The following TRMT44 variants were observed in gnomAD, a reference collection of about 807,000 sequenced individuals.
TRMT44 encodes the protein tRNA methyltransferase 44 homolog, also known as probable tRNA (uracil-O(2)-)-methyltransferase.
In TRMT44, 78 loss-of-function variants were observed where a neutral mutation model predicts 77.3. The ratio of observed to expected loss-of-function variants is 1.01; its 90% confidence interval spans 0.84 to 1.22. The LOEUF is 1.22. Ranked by LOEUF, TRMT44 falls within the 50% of genes most tolerant of loss-of-function variation. The pLI is 0.00. For synonymous variants in TRMT44, 391 were observed against 383.3 expected, an observed-to-expected ratio of 1.02 and a Z score of -0.23; for missense variants, 1,090 against 964.4, an observed-to-expected ratio of 1.13 and a Z score of -1.73.
chr4:8,493,484 T>C (rs1250661953), exon 3 of TRMT44: 1 of 152,162 alleles, frequency 6.6e-6, no homozygotes, highest in Non-Finnish European at 1.5e-5. Context: ...GAGAGACTGA[T>C]TTGAATAATA....
chr4:8,454,363 C>A, intron 5 of TRMT44: 1 of 211,156 alleles, frequency 4.7e-6, no homozygotes, highest in Non-Finnish European at 9.6e-6. Flanking sequence ...ATTCTGGTGT[C>A]ATCCATGAAT....
the TRMT44 span, among the ~76,000 whole-genome samples, chr4:8,516,213 G>A: frequency 6.6e-6 from 1 of 152,182 alleles, no homozygotes; most frequent in Non-Finnish European, 1.5e-5. Context: ...TATGGCCCCA[G>A]AGTCACGCAG....
At chr4:8,469,818 C>T (rs1296077618) in intron 9 of TRMT44, among the ~76,000 whole-genome samples, 1 of 152,266 alleles carries the variant, frequency 6.6e-6, no homozygotes, top group African/African-American at 2.4e-5. Flanking sequence ...CCTTTGGTCG[C>T]CCCCACCCAG....
chr4:8,465,523 G>A lies in TRMT44; in HGVS notation c.1456G>A (p.Val486Met), dbSNP rs376641486. The A allele has an allele frequency of 1.7e-5, 28 of 1,613,836 alleles. No individual in the cohort carries two copies. The East Asian group carries it at 3.1e-4, about 18-fold the overall frequency. Reference protein sequence around the residue: ...KEVGFTCGFHVDEDCLRIPST... With the variant: ...KEVGFTCGFHMDEDCLRIPST... ...AGTGGGCTTCACCTGTGGGTTTCACGTGGACGAAGACTGCCTCAGGATTCC... is the reference window on the plus strand; with the variant it reads ...AGTGGGCTTCACCTGTGGGTTTCACATGGACGAAGACTGCCTCAGGATTCC... Residue 486 changes from valine to methionine, a missense_variant, in exon 8 of 11, where the codon GTG becomes ATG. Coordinates refer to ENST00000389737, the MANE Select transcript of TRMT44 (RefSeq NM_152544.3).
chr4:8,450,792 GTTTTTTTTTT>G (rs59875098), intron 3 of TRMT44, among the ~76,000 whole-genome samples: 7 of 96,674 alleles, frequency 7.2e-5, no homozygotes, highest in Non-Finnish European at 1.4e-4. Flanking sequence ...TCATTTCCAT[GTTTTTTTTTT>G]TTTTTTTTTT....
intron 10 of TRMT44, chr4:8,473,613 G>C (rs1727173029): frequency 1.3e-5 from 2 of 152,620 alleles, no homozygotes; most frequent in Admixed American, 6.5e-5. Context: ...GGCGGCTCCT[G>C]TGCTGAGGTA....
downstream of TRMT44, chr4:8,477,477 C>T (rs1727449159): frequency 6.6e-6 from 1 of 152,316 alleles, no homozygotes; most frequent in African/African-American, 2.4e-5. Context: ...TAGTGAGGCA[C>T]AAGGGAGCTC....
chr4:8,512,852 G>T, the TRMT44 span, among the ~76,000 whole-genome samples: 1 of 152,194 alleles, frequency 6.6e-6, no homozygotes, highest in South Asian at 2.1e-4. Flanking sequence ...ATTGTGTAAA[G>T]TAGCCTGTGA....
downstream of TRMT44, among the ~76,000 whole-genome samples, chr4:8,496,346 A>G (rs1728150228): frequency 6.6e-6 from 1 of 152,254 alleles, no homozygotes; most frequent in Non-Finnish European, 1.5e-5. Context: ...ACTCAGTAAC[A>G]GTAGCCTCTG....
intron 6 of TRMT44, among the ~76,000 whole-genome samples, chr4:8,455,207 C>G (rs893585824): frequency 5.3e-5 from 8 of 152,230 alleles, no homozygotes; most frequent in Admixed American, 4.6e-4. Flanking sequence ...CCTGCCAGGA[C>G]TGCGCCAGGG....
At chr4:8,497,599 C>T (rs528093041), downstream of TRMT44, among the ~76,000 whole-genome samples, 14 of 152,184 alleles carry the variant, frequency 9.2e-5, no homozygotes, top group South Asian at 6.2e-4. Flanking sequence ...GAGCTGAGAT[C>T]GCGCCACTGC....
At chr4:8,485,266 C>T (rs1039309060) in intron 2 of TRMT44, among the ~76,000 whole-genome samples, 3 of 152,076 alleles carry the variant, frequency 2.0e-5, no homozygotes, top group Non-Finnish European at 4.4e-5. Flanking sequence ...TCTTTAAGAT[C>T]AAGAACGGAA....
At chr4:8,516,295 C>T in the TRMT44 span, among the ~76,000 whole-genome samples, 2 of 152,236 alleles carry the variant, frequency 1.3e-5, no homozygotes, top group South Asian at 4.2e-4. Context: ...ACGTGTTTTC[C>T]CCTGAGATAC....
intron 2 of TRMT44, among the ~76,000 whole-genome samples, chr4:8,489,017 TC>T (rs1479181105): frequency 6.6e-6 from 1 of 151,970 alleles, no homozygotes; most frequent in Non-Finnish European, 1.5e-5. Context: ...GGGATGAAAA[TC>T]ACCAGTAAGA....
At position 8,444,440 on chromosome 4, in the gene TRMT44, C is replaced by T. The variant is rs566666947; in HGVS notation, c.620-2036C>T. Among the ~76,000 whole-genome samples the T allele has an allele frequency of 6.6e-6, 1 of 151,608 alleles. No homozygotes were observed. Among genetic ancestry groups the T allele is most frequent in the South Asian group, 2.1e-4 (1 of 4,810 alleles). ...TTGAGAGTAGTCTCGCTCTGTGGCC[C>T]AGGCTAGAGTGCAGTGGTGTGATTT... On this transcript the variant is annotated intron_variant, in intron 1 of 10. Transcript: ENST00000389737. This position sits in a 1 kb window ranked among gnomAD's most constrained non-coding sequence, Gnocchi z 4.0.
downstream of TRMT44, among the ~76,000 whole-genome samples, chr4:8,494,308 C>T (rs1728092923): frequency 6.6e-6 from 1 of 152,176 alleles, no homozygotes; most frequent in Non-Finnish European, 1.5e-5. Context: ...TTAAATTTCA[C>T]CCTCACAATG....
At position 8,487,405 on chromosome 4, in the gene TRMT44, C is replaced by T. The variant is rs57714297; in HGVS notation, n.3892-5861C>T. 5.4e-4 allele frequency among the ~76,000 whole-genome samples: 82 copies of T among 151,050 alleles called. No homozygotes were observed. In the East Asian group the frequency reaches 0.012, roughly 22 times the overall value. On this transcript the variant is annotated intron_variant and non_coding_transcript_variant, in intron 2 of 2. Coordinates refer to the TRMT44 transcript ENST00000511366. ...CGGGGGTTCTTACCCTCCAGAAAAG[C>T]GGGAAAGGGGTCGGATCGTGGAAAT...
chr4:8,513,759 A>T, the TRMT44 span, among the ~76,000 whole-genome samples: 6 of 152,336 alleles, frequency 3.9e-5, no homozygotes, highest in East Asian at 1.2e-3. Flanking sequence ...GCATATTCAG[A>T]TCATCAATAA....
the TRMT44 span, among the ~76,000 whole-genome samples, chr4:8,511,409 C>T: frequency 6.6e-6 from 1 of 152,284 alleles, no homozygotes; most frequent in South Asian, 2.1e-4. Context: ...ATGCCCACCT[C>T]TTAATCTCTA....
Sources: gnomAD v4.1 joint callset for allele counts (sites outside exome capture counted in the v4.1 genomes callset) on GRCh38, gnomAD v4.1.1 for gene constraint, Gnocchi (gnomAD v3.1) non-coding constraint, MANE v1.5 for transcripts, NCBI Gene and HGNC (gene_info 2026-07-23, HGNC 2026-07-21) for gene names.